The following TNKS variants were observed in gnomAD, a reference collection of about 807,000 sequenced individuals.
The protein encoded by TNKS is poly [ADP-ribose] polymerase tankyrase-1.
A neutral mutation model predicts 135.8 loss-of-function variants in TNKS; 72 were observed. The observed-to-expected ratio is 0.53, with a 90% CI of 0.44 to 0.64. The LOEUF (loss-of-function observed/expected upper bound fraction) is 0.64, where lower values mean the gene tolerates loss of function less well. TNKS is among the 30% of genes least tolerant of loss of function. The pLI is 0.00. For missense variants in TNKS, 1,769 were observed against 1,674.0 expected, an observed-to-expected ratio of 1.06 and a Z score of -0.99; for synonymous variants, 849 against 649.3, an observed-to-expected ratio of 1.31 and a Z score of -4.68.
intron 2 of TNKS, among the ~76,000 whole-genome samples, chr8:9,608,246 T>C (rs1308814226): frequency 6.6e-6 from 1 of 152,182 alleles, no homozygotes; most frequent in Admixed American, 6.5e-5. Context: ...CAGCTTGTGT[T>C]ATCAGTAGTT....
At chr8:9,710,339 C>T (rs774392522) in intron 11 of TNKS, 119 bp downstream of exon 11, 4 of 871,098 alleles carry the variant, frequency 4.6e-6, no homozygotes, top group African/African-American at 3.4e-5. Context: ...ACTATTAGTT[C>T]GTACTTAAAT....
At chr8:9,618,138 C>T (rs1029117809) in intron 3 of TNKS, among the ~76,000 whole-genome samples, 44 of 151,978 alleles carry the variant, frequency 2.9e-4, no homozygotes, top group Admixed American at 2.4e-3. Context: ...AGGCATGTGC[C>T]GCCACGCCTG....
intron 1 of TNKS, among the ~76,000 whole-genome samples, chr8:9,563,993 C>T (rs938256351): frequency 2.0e-5 from 3 of 152,098 alleles, no homozygotes; most frequent in African/African-American, 7.2e-5. Context: ...GCAGCTCTGG[C>T]CTAGAATAGA....
At chr8:9,746,771 G>T (rs188236825) in intron 17 of TNKS, among the ~76,000 whole-genome samples, 1 of 151,714 alleles carries the variant, frequency 6.6e-6, no homozygotes, top group East Asian at 1.9e-4. Flanking sequence ...CCTCGACTGT[G>T]CTCCAACCTT....
At chr8:9,748,771 A>G (rs1206920321) in intron 18 of TNKS, among the ~76,000 whole-genome samples, 1 of 152,204 alleles carries the variant, frequency 6.6e-6, no homozygotes, top group Non-Finnish European at 1.5e-5. Context: ...ACTGTTTCAA[A>G]ACACCCAGTG....
chr8:9,641,111 A>C (rs1800711324), intron 3 of TNKS, among the ~76,000 whole-genome samples: 1 of 145,970 alleles, frequency 6.9e-6, no homozygotes, highest in African/African-American at 2.5e-5. Context: ...TAAGTAATGC[A>C]CCCAATTTAT....
chr8:9,761,692 T>C (rs967050454), intron 21 of TNKS, 56 bp downstream of exon 21: 80 of 1,552,614 alleles, frequency 5.2e-5, no homozygotes, highest in Non-Finnish European at 6.7e-5. Context: ...AAGGTAAGTA[T>C]TGGGGCTGAT....
intron 17 of TNKS, among the ~76,000 whole-genome samples, chr8:9,746,824 A>G (rs926270436): frequency 2.7e-5 from 4 of 148,460 alleles, no homozygotes; most frequent in African/African-American, 1.0e-4. Flanking sequence ...TTGATGTTTT[A>G]CCTCAGAAGG....
chr8:9,588,851 A>C (rs568829392), intron 2 of TNKS, among the ~76,000 whole-genome samples: 1 of 152,302 alleles, frequency 6.6e-6, no homozygotes, highest in South Asian at 2.1e-4. Context: ...GTGACCAGGA[A>C]AACAAAGGAA....
At chr8:9,648,214 T>TA (rs1354639891) in intron 3 of TNKS, among the ~76,000 whole-genome samples, 8 of 152,146 alleles carry the variant, frequency 5.3e-5, no homozygotes, top group Non-Finnish European at 2.9e-5. Context: ...TAGATTTATT[T>TA]AAAAAAATTT....
At chr8:9,570,709 C>T (rs1452503147) in intron 1 of TNKS, among the ~76,000 whole-genome samples, 1 of 152,180 alleles carries the variant, frequency 6.6e-6, no homozygotes, top group African/African-American at 2.4e-5. Context: ...TCCTGGTTGG[C>T]CACTCTTGTA....
chr8:9,574,776 C>T (rs914754303), intron 1 of TNKS, among the ~76,000 whole-genome samples: 3 of 152,026 alleles, frequency 2.0e-5, no homozygotes, highest in African/African-American at 4.8e-5. Flanking sequence ...GGTAGCTGGA[C>T]AGATGACACA....
At chr8:9,602,928 A>G (rs551113303) in intron 2 of TNKS, among the ~76,000 whole-genome samples, 64 of 152,356 alleles carry the variant, frequency 4.2e-4, no homozygotes, top group African/African-American at 1.4e-3. Flanking sequence ...TTCATGATCA[A>G]TACTTGATCT....
At chr8:9,661,475 C>A (rs1229506467) in intron 3 of TNKS, among the ~76,000 whole-genome samples, 1 of 152,102 alleles carries the variant, frequency 6.6e-6, no homozygotes, top group East Asian at 1.9e-4. Flanking sequence ...CAAAAACAAG[C>A]AATGGGGAAA....
At chr8:9,735,222 T>G in intron 16 of TNKS, 138 bp downstream of exon 16, 1 of 1,114,718 alleles carries the variant, frequency 9.0e-7, no homozygotes, top group South Asian at 1.6e-5. Context: ...TTTGTATAAT[T>G]TCTTATTGTG....
chr8:9,620,837 A>T (rs910265069), intron 3 of TNKS, among the ~76,000 whole-genome samples: 3 of 152,158 alleles, frequency 2.0e-5, no homozygotes, highest in African/African-American at 7.2e-5. Flanking sequence ...GGTATCTGGC[A>T]TTGCATTGTG....
At chr8:9,726,071 T>C (rs1429194605) in intron 12 of TNKS, among the ~76,000 whole-genome samples, 1 of 152,186 alleles carries the variant, frequency 6.6e-6, no homozygotes, top group Non-Finnish European at 1.5e-5. Flanking sequence ...ATGATTCTGA[T>C]TTTAAAAGTA....
At chr8:9,600,813 A>G (rs893710181) in intron 2 of TNKS, among the ~76,000 whole-genome samples, 3 of 152,220 alleles carry the variant, frequency 2.0e-5, no homozygotes, top group African/African-American at 7.2e-5. Flanking sequence ...ATATGAAAGT[A>G]TGACTAAAAC....
At chr8:9,653,819 C>T (rs1460287876) in intron 3 of TNKS, among the ~76,000 whole-genome samples, 1 of 152,160 alleles carries the variant, frequency 6.6e-6, no homozygotes, top group Admixed American at 6.5e-5. Flanking sequence ...GCTGGCTCCC[C>T]TCACTCTTGT....
Sources: allele counts gnomAD v4.1 joint callset (sites outside exome capture counted in the v4.1 genomes callset), GRCh38; gene constraint gnomAD v4.1.1; transcripts MANE v1.5; gene names NCBI Gene and HGNC (gene_info 2026-07-23, HGNC 2026-07-21).